Variants in CCDC40 observed in about 807,000 individuals in gnomAD.
CCDC40 encodes coiled-coil domain-containing protein 40.
In CCDC40, 104 loss-of-function variants were observed where a neutral mutation model predicts 124.5. The observed-to-expected ratio is 0.84, with a 90% confidence interval of 0.71 to 0.98. The LOEUF is 0.98. Ranked by LOEUF, CCDC40 falls within the 50% of genes least tolerant of loss-of-function variation. CCDC40 has a pLI of 0.00. For missense variants in CCDC40, 1,463 were observed against 1,503.9 expected, an observed-to-expected ratio of 0.97 and a Z score of 0.45; for synonymous variants, 580 against 602.9, an observed-to-expected ratio of 0.96 and a Z score of 0.56.
chr17:80,038,579 C>T (rs1598473547), intron 2 of CCDC40, among the ~76,000 whole-genome samples: 1 of 152,142 alleles, frequency 6.6e-6, no homozygotes. Flanking sequence ...GTAATTCCAG[C>T]ACTTTGGGAG....
intron 1 of CCDC40, among the ~76,000 whole-genome samples, chr17:80,037,688 A>AAAAAATATATATATATATATAT: frequency 1.3e-3 from 61 of 45,666 alleles, no homozygotes; most frequent in African/African-American, 3.6e-3. Flanking sequence ...TTTTTTAAAA[A>AAAAAATATATATATATATATAT]AGATATACAT....
At chr17:80,092,038 G>A (rs2038733239) in intron 17 of CCDC40, 2 of 151,408 alleles carry the variant, frequency 1.3e-5, no homozygotes, top group Admixed American at 1.3e-4. Flanking sequence ...TTGTCTGTTT[G>A]TTTTTTGTTT....
chr17:80,094,812 C>T (rs1302844207), intron 17 of CCDC40, among the ~76,000 whole-genome samples: 1 of 152,186 alleles, frequency 6.6e-6, no homozygotes, highest in African/African-American at 2.4e-5. Flanking sequence ...CTGTGCACCC[C>T]CGCAGCCAAT....
chr17:80,090,213 GAAGA>G, intron 17 of CCDC40: 6 of 765,920 alleles, frequency 7.8e-6, no homozygotes, highest in South Asian at 4.6e-5. Context: ...GCACGTGCAC[GAAGA>G]ACACGGGACG....
intron 7 of CCDC40, among the ~76,000 whole-genome samples, chr17:80,052,833 T>G (rs1162576364): frequency 2.0e-5 from 3 of 151,836 alleles, no homozygotes; most frequent in African/African-American, 7.3e-5. Context: ...CAACTGGTAG[T>G]CTCATGAGAT....
chr17:80,070,212 C>T (rs1301910211), intron 10 of CCDC40, among the ~76,000 whole-genome samples: 1 of 152,220 alleles, frequency 6.6e-6, no homozygotes, highest in Non-Finnish European at 1.5e-5. Context: ...GGGTCCCAGT[C>T]ACCACCAATG....
At chr17:80,090,201 AG>A (rs2038678903) in intron 17 of CCDC40, 2 of 1,194,548 alleles carry the variant, frequency 1.7e-6, no homozygotes, top group Non-Finnish European at 1.1e-6. Flanking sequence ...GGACGCACGC[AG>A]GCACGTGCAC....
intron 17 of CCDC40, among the ~76,000 whole-genome samples, chr17:80,090,988 C>T (rs1002098560): frequency 5.9e-5 from 9 of 152,184 alleles, no homozygotes; most frequent in African/African-American, 1.7e-4. Context: ...AGAGAAGGTC[C>T]GGGCTGCTCC....
At chr17:80,085,133 G>A in intron 13 of CCDC40, 145 bp downstream of exon 13, 5 of 1,103,446 alleles carry the variant, frequency 4.5e-6, no homozygotes, top group Non-Finnish European at 6.5e-6. Flanking sequence ...AGACAAAATG[G>A]CACGTGTGCC....
chr17:80,049,076 C>A (rs1002915646), intron 5 of CCDC40, among the ~76,000 whole-genome samples: 3 of 75,844 alleles, frequency 4.0e-5, no homozygotes, highest in African/African-American at 1.6e-4. Flanking sequence ...GGAGCACCAC[C>A]CCCCCGCCTT....
intron 3 of CCDC40, among the ~76,000 whole-genome samples, chr17:80,047,040 T>A (rs1035898588): frequency 6.6e-6 from 1 of 152,168 alleles, no homozygotes; most frequent in Non-Finnish European, 1.5e-5. Flanking sequence ...GAGACGGGGT[T>A]TCGCCATGTT....
chr17:80,095,153 G>C, intron 17 of CCDC40, 110 bp from the exon 18 acceptor site: 1 of 1,017,750 alleles, frequency 9.8e-7, no homozygotes, highest in Non-Finnish European at 1.5e-6. Context: ...TTTCCCCGCC[G>C]ATCCCCATGC....
In CCDC40 at chr17:80,053,069, A is replaced by G. The variant is rs9944500; in HGVS notation, c.1159+2786A>G. Among the ~76,000 whole-genome samples, 593 of 152,386 alleles carry G rather than the reference A, an allele frequency of 3.9e-3. 4 individuals are homozygous for G. The highest frequency in any genetic ancestry group is 0.014 in the African/African-American group (578 of 41,600). The stretch of plus-strand genomic sequence containing the variant: ...GGAGGAGGTAAAAGACATGGACGAC[A>G]GATTAGGGAAATCGAATCAGTGTCC... On this transcript the variant is annotated intron_variant, in intron 7 of 19. Coordinates refer to ENST00000397545, the MANE Select transcript of CCDC40 (RefSeq NM_017950.4).
chr17:80,088,156 G>T (rs936972208), intron 16 of CCDC40, 54 bp downstream of exon 16: 84 of 1,244,592 alleles, frequency 6.7e-5, no homozygotes, highest in Non-Finnish European at 8.9e-5. Context: ...GCACCTACAG[G>T]CCTCTGTCCG....
At chr17:80,071,917 A>C (rs1226174286) in intron 10 of CCDC40, among the ~76,000 whole-genome samples, 1 of 145,070 alleles carries the variant, frequency 6.9e-6, no homozygotes, top group Non-Finnish European at 1.5e-5. Flanking sequence ...GCTCACTGCA[A>C]CCTCCACCTC....
At position 80,087,859 on chromosome 17, in the gene CCDC40, G is replaced by C; in HGVS notation, c.2619+83G>C. ...CCTTGCGGTGGGCGTTCTGCACCAGGATGTAATTTCCACACCCGTTCAAGA... is the reference window on the plus strand; with the variant it reads ...CCTTGCGGTGGGCGTTCTGCACCAGCATGTAATTTCCACACCCGTTCAAGA... On this transcript the variant is annotated intron_variant, in intron 15 of 19. Transcript: ENST00000397545. The surrounding 1 kb of genome is among the most constrained non-coding windows in gnomAD (Gnocchi z 4.5). 1 of 1,396,150 alleles carries C rather than the reference G, an allele frequency of 7.2e-7. No individual in the cohort carries two copies. The highest frequency in any genetic ancestry group is 1.2e-5 in the South Asian group (1 of 86,642). The allele number at this position is 1,396,150 out of a possible 1,614,324, so 86.5% of individuals were successfully genotyped here.
At position 80,048,578 on chromosome 17, in the gene CCDC40, C is replaced by G; in HGVS notation, c.677-5C>G. On this transcript the variant is annotated splice_region_variant and splice_polypyrimidine_tract_variant and intron_variant, in intron 4 of 19. Transcript: ENST00000397545. ...CCTCAATGGTGTCGCTGTCTCTCCC[C>G]CCAGTGATCCCCCCAGGGGTGCCCG... 9 of 1,612,072 alleles carry G rather than the reference C, an allele frequency of 5.6e-6. No homozygotes were observed. The highest frequency in any genetic ancestry group is 7.6e-6 in the Non-Finnish European group (9 of 1,178,760).
intron 18 of CCDC40, among the ~76,000 whole-genome samples, chr17:80,095,821 G>A (rs560853028): frequency 1.3e-5 from 2 of 152,390 alleles, no homozygotes; most frequent in African/African-American, 4.8e-5. Context: ...CTGCATATCG[G>A]AGGTGGCATT....
chr17:80,047,491 C>T, intron 4 of CCDC40, 89 bp downstream of exon 4: 1 of 1,387,052 alleles, frequency 7.2e-7, no homozygotes, highest in East Asian at 2.5e-5. Flanking sequence ...CGTTTGTCAT[C>T]CGTTACCTGT....
Sources: gnomAD v4.1 joint callset for allele counts (sites outside exome capture counted in the v4.1 genomes callset) on GRCh38, gnomAD v4.1.1 for gene constraint, Gnocchi (gnomAD v3.1) non-coding constraint, MANE v1.5 for transcripts, NCBI Gene and HGNC (gene_info 2026-07-23, HGNC 2026-07-21) for gene names.